AMBRA1: variants seen among roughly 807,000 people sequenced by gnomAD.
AMBRA1 encodes the protein activating molecule in BECN1-regulated autophagy protein 1.
AMBRA1 carries 47 observed loss-of-function variants against 125.4 expected under a neutral mutation model. The ratio of observed to expected loss-of-function variants is 0.37; its 90% CI spans 0.30 to 0.48. AMBRA1 has a LOEUF of 0.48. AMBRA1 is among the 20% of genes least tolerant of loss of function. The pLI is 0.99. For missense variants in AMBRA1, 1,331 were observed against 1,693.4 expected (o/e 0.79, Z 3.76); for synonymous variants, 626 against 655.5 (o/e 0.95, Z 0.69).
intron 1 of AMBRA1, among the ~76,000 whole-genome samples, chr11:46,564,403 T>C (rs767736559): frequency 2.6e-5 from 4 of 152,142 alleles, no homozygotes; most frequent in South Asian, 2.1e-4. Context: ...AATGATACTA[T>C]GAAGATGGGT....
chr11:46,503,565 C>T (rs921548910), intron 9 of AMBRA1, among the ~76,000 whole-genome samples: 2 of 152,118 alleles, frequency 1.3e-5, no homozygotes, highest in South Asian at 2.1e-4. Context: ...TGCTCAATGT[C>T]GGGTTGCCAC....
At chr11:46,456,707 G>A (rs2136816656) in intron 11 of AMBRA1, among the ~76,000 whole-genome samples, 1 of 152,364 alleles carries the variant, frequency 6.6e-6, no homozygotes, top group African/African-American at 2.4e-5. Flanking sequence ...TCAGCAGCAG[G>A]AGGGAAACGA....
Position 46,397,865 on chromosome 11 carries a change from G to A in AMBRA1, c.3482C>T (p.Thr1161Ile). The stretch of plus-strand genomic sequence containing the variant: ...GCTCTGCTCCCGCTGCACCACGGCT[G>A]TCATGCCGCCCTCCGCCATCAGCCT... ...IQRLMAEGGM[T>I]AVVQREQSTT... Residue 1161 changes from threonine (T) to isoleucine (I), a missense_variant, in exon 18 of 18, where the codon ACA (threonine) becomes ATA (isoleucine). Thr to Ile is a moderately conservative substitution (Grantham distance 89). Coordinates refer to ENST00000683756, the MANE Select transcript of AMBRA1 (RefSeq NM_001387011.1). The A allele has an allele frequency of 1.2e-6, 2 of 1,600,660 alleles. No homozygotes were observed. Among genetic ancestry groups the A allele is most frequent in the Non-Finnish European group, 1.7e-6 (2 of 1,179,966 alleles).
chr11:46,466,308 C>T (rs967183731), intron 11 of AMBRA1, among the ~76,000 whole-genome samples: 2 of 151,578 alleles, frequency 1.3e-5, no homozygotes, highest in Admixed American at 1.3e-4. Flanking sequence ...GATCGTGCCA[C>T]TGCACTCTAG....
intron 11 of AMBRA1, among the ~76,000 whole-genome samples, chr11:46,456,155 A>G (rs1948834313): frequency 6.6e-6 from 1 of 152,190 alleles, no homozygotes; most frequent in Non-Finnish European, 1.5e-5. Flanking sequence ...GCTCACAAGA[A>G]CACATGCTAC....
chr11:46,585,940 A>C (rs57125514), intron 1 of AMBRA1, among the ~76,000 whole-genome samples: 1 of 149,540 alleles, frequency 6.7e-6, no homozygotes, highest in African/African-American at 2.5e-5. Flanking sequence ...CGAGTAGCTG[A>C]GATTACAGGC....
rs1007078980 is a variant in AMBRA1 at position 46,477,321 on chromosome 11, C to CT, written c.2521+16286dup. On this transcript the variant is annotated intron_variant, in intron 11 of 17. Coordinates refer to ENST00000683756, the MANE Select transcript of AMBRA1 (RefSeq NM_001387011.1). Reference sequence around the variant, plus strand: ...AGTCTTTGTCTCTTTAAAGATACTTCTTTTTTTTTTTTTTGAGACAGGATC... The same window carrying CT: ...AGTCTTTGTCTCTTTAAAGATACTTCTTTTTTTTTTTTTTTGAGACAGGATC... Among the ~76,000 whole-genome samples the CT allele has an allele frequency of 9.2e-3, 1,315 of 142,362 alleles. 14 individuals carry two copies. The highest frequency in any genetic ancestry group is 0.02 in the African/African-American group (785 of 39,030). 93.4% of individuals were successfully genotyped at this position (142,362 alleles called of 152,430 possible). A position where few individuals can be genotyped will look rare whatever the true frequency, so the allele number is the denominator to read the frequency against.
intron 1 of AMBRA1, among the ~76,000 whole-genome samples, chr11:46,585,912 T>C (rs866098490): frequency 1.3e-5 from 2 of 149,634 alleles, no homozygotes; most frequent in African/African-American, 4.9e-5. Context: ...TTCAAGCTAT[T>C]CTCCTGCCTC....
intron 4 of AMBRA1, chr11:46,546,897 C>T (rs1953045950): frequency 5.2e-6 from 2 of 382,068 alleles, no homozygotes; most frequent in African/African-American, 2.1e-5. Context: ...ATAGTGAATC[C>T]CCGTCTCTAC....
chr11:46,592,626 C>T (rs1346090178), intron 1 of AMBRA1, among the ~76,000 whole-genome samples: 1 of 152,010 alleles, frequency 6.6e-6, no homozygotes, highest in Non-Finnish European at 1.5e-5. Context: ...AGTGTGGTGG[C>T]GCGCGCCGGT....
Position 46,566,872 on chromosome 11 carries a change from A to G in AMBRA1, c.-120-18372T>C, listed in dbSNP as rs77940349. ...AAAACTAAACCGCCATTGTAAAACT[A>G]ATAAAAGGCCCCAAGTTTAGGATTA... is the stretch of plus-strand genomic sequence containing the variant. On this transcript the variant is annotated intron_variant, in intron 1 of 17. Coordinates refer to ENST00000683756, the MANE Select transcript of AMBRA1 (RefSeq NM_001387011.1). 7.9e-5 allele frequency among the ~76,000 whole-genome samples: 12 copies of G among 152,254 alleles called. No homozygotes were observed. In the East Asian group the frequency reaches 1.9e-3, roughly 24 times the overall value.
Position 46,414,864 on chromosome 11 carries a change from G to A in AMBRA1, c.3116+3049C>T, listed in dbSNP as rs570466763. On this transcript the variant is annotated intron_variant, in intron 15 of 17. Coordinates refer to ENST00000683756, the MANE Select transcript of AMBRA1 (RefSeq NM_001387011.1). ...TCCCCTGGAGAGATGGAGGATTTTT[G>A]AAGGCCTTAGTCTACTGCCAAGTGG... 2.0e-5 allele frequency among the ~76,000 whole-genome samples: 3 copies of A among 152,294 alleles called. No homozygotes were observed. The South Asian group carries it at 6.2e-4, about 32-fold the overall frequency.
chr11:46,482,741 T>C (rs1023654094), intron 11 of AMBRA1, among the ~76,000 whole-genome samples: 4 of 152,194 alleles, frequency 2.6e-5, no homozygotes, highest in Non-Finnish European at 5.9e-5. Context: ...CCAGGCGTAG[T>C]GGCTCACGCC....
intron 1 of AMBRA1, among the ~76,000 whole-genome samples, chr11:46,562,846 G>A (rs1366398657): frequency 1.3e-5 from 2 of 149,030 alleles, no homozygotes; most frequent in South Asian, 4.2e-4. Flanking sequence ...TGTTGCCCAC[G>A]CTGGAGTGCA....
chr11:46,522,666 T>A (rs775218510), intron 7 of AMBRA1, among the ~76,000 whole-genome samples: 1 of 152,230 alleles, frequency 6.6e-6, no homozygotes, highest in Non-Finnish European at 1.5e-5. Flanking sequence ...AATTCCATAA[T>A]GTTGAATTCT....
chr11:46,526,991 C>T (rs565781789), intron 7 of AMBRA1, among the ~76,000 whole-genome samples: 1 of 152,256 alleles, frequency 6.6e-6, no homozygotes, highest in South Asian at 2.1e-4. Flanking sequence ...TGTAAACTTG[C>T]TCACTGTTTG....
rs1327850641 is a variant in AMBRA1, at chr11:46,397,161, G to T, written c.*289C>A. On this transcript the variant is annotated 3_prime_UTR_variant, in exon 18 of 18. Coordinates refer to ENST00000683756, the MANE Select transcript of AMBRA1 (RefSeq NM_001387011.1). ...GTCCCCTGAGCCCATGTTACTAGGA[G>T]AAAGTGGGGTGCCTGGCAGAGATAC... The T allele has an allele frequency of 3.3e-6, 1 of 302,698 alleles. No homozygotes were observed. Among genetic ancestry groups the T allele is most frequent in the Non-Finnish European group, 6.0e-6 (1 of 165,530 alleles). 18.8% of individuals were successfully genotyped at this position (302,698 alleles called of 1,614,324 possible).
chr11:46,501,665 C>G (rs1950844472), intron 9 of AMBRA1, among the ~76,000 whole-genome samples: 1 of 152,130 alleles, frequency 6.6e-6, no homozygotes, highest in Non-Finnish European at 1.5e-5. Flanking sequence ...ATTTACCTCA[C>G]CCCACATTGA....
intron 11 of AMBRA1, among the ~76,000 whole-genome samples, chr11:46,480,660 TTGC>T (rs1248631006): frequency 3.3e-5 from 5 of 152,236 alleles, no homozygotes; most frequent in Non-Finnish European, 7.3e-5. Context: ...CTAGAGATTA[TTGC>T]TGAAGTTTAA....
Sources: gnomAD v4.1 joint callset for allele counts (sites outside exome capture counted in the v4.1 genomes callset) on GRCh38, gnomAD v4.1.1 for gene constraint, MANE v1.5 for transcripts, NCBI Gene and HGNC (gene_info 2026-07-23, HGNC 2026-07-21) for gene names.